The following PIK3R4 variants were observed in gnomAD, a reference collection of about 807,000 sequenced individuals.
The protein encoded by PIK3R4 is phosphoinositide-3-kinase regulatory subunit 4.
PIK3R4 carries 46 observed loss-of-function variants against 136.5 expected under a neutral mutation model. That is an observed-to-expected ratio of 0.34 (90% CI 0.27 to 0.43). The LOEUF (loss-of-function observed/expected upper bound fraction) is 0.43. Among genes scored for constraint, PIK3R4 ranks in the 20% least tolerant of loss-of-function variants. The probability of loss-of-function intolerance (pLI) is 1.00; values close to 1 mark genes in which losing one functional copy is unlikely to be tolerated. For missense variants in PIK3R4, 1,331 were observed against 1,649.5 expected (o/e 0.81, Z 3.35); for synonymous variants, 557 against 566.7 (o/e 0.98, Z 0.24).
At chr3:130,699,819 C>T (rs141710011) in intron 13 of PIK3R4, among the ~76,000 whole-genome samples, 18 of 152,100 alleles carry the variant, frequency 1.2e-4, no homozygotes, top group African/African-American at 3.4e-4. Context: ...TAATTTTTTG[C>T]TATTATAAAG....
Position 130,745,539 on chromosome 3 carries a change from T to G in PIK3R4, c.-46-275A>C, listed in dbSNP as rs574593092. 1.8e-3 allele frequency among the ~76,000 whole-genome samples: 267 copies of G among 152,368 alleles called. 1 individual carries two copies. Among genetic ancestry groups the G allele is most frequent in the African/African-American group, 6.1e-3 (253 of 41,590 alleles). ...TTCCAGGAGCTGAACTATATTTAGA[T>G]AGGCCTCTTCAACTTTAAGCCAAAA... On this transcript the variant is annotated intron_variant, in intron 1 of 19. Coordinates refer to ENST00000356763, the MANE Select transcript of PIK3R4 (RefSeq NM_014602.3).
Position 130,684,135 on chromosome 3 carries a change from A to G in PIK3R4, c.3607+115T>C, listed in dbSNP as rs150523741. On this transcript the variant is annotated intron_variant, in intron 16 of 19. Coordinates refer to ENST00000356763, the MANE Select transcript of PIK3R4 (RefSeq NM_014602.3). ...TGGCAACCTCCATAATCAGAAGACAATCAAGCATTCAGTTCATATGTAAAA... is the reference window on the plus strand; with the variant it reads ...TGGCAACCTCCATAATCAGAAGACAGTCAAGCATTCAGTTCATATGTAAAA... 57 of 895,798 alleles carry G rather than the reference A, an allele frequency of 6.4e-5. No homozygotes were observed. The African/African-American group carries it at 8.4e-4, about 13-fold the overall frequency. 55.5% of individuals were successfully genotyped at this position (895,798 alleles called of 1,614,324 possible). A position where few individuals can be genotyped will look rare whatever the true frequency, so the allele number is the denominator to read the frequency against.
chr3:130,719,382 T>C (rs1050449017), intron 7 of PIK3R4, among the ~76,000 whole-genome samples: 3 of 152,146 alleles, frequency 2.0e-5, no homozygotes, highest in African/African-American at 7.2e-5. Flanking sequence ...TTAGTGTATA[T>C]AAGAAATACA....
rs1490115071 is a variant in PIK3R4 at position 130,679,027 on chromosome 3, A to G, written c.*288T>C. ...CATCTTTTCAACCATCTTTTTCAAT[A>G]CAAAATAAACATATTCATTTTCATA... On this transcript the variant is annotated 3_prime_UTR_variant, in exon 20 of 20. Transcript: ENST00000356763. 1.7e-5 allele frequency: 3 copies of G among 178,854 alleles called. No homozygotes were observed. Among genetic ancestry groups the G allele is most frequent in the Admixed American group, 6.1e-5 (1 of 16,296 alleles). 11.1% of individuals were successfully genotyped at this position (178,854 alleles called of 1,614,324 possible).
chr3:130,694,639 T>G (rs2066536491), intron 13 of PIK3R4, among the ~76,000 whole-genome samples: 1 of 152,144 alleles, frequency 6.6e-6, no homozygotes, highest in South Asian at 2.1e-4. Context: ...TCTGCAACTT[T>G]GTTGAACTTA....
chr3:130,710,724 T>TA (rs2066628597), intron 9 of PIK3R4, among the ~76,000 whole-genome samples: 1 of 152,058 alleles, frequency 6.6e-6, no homozygotes, highest in Non-Finnish European at 1.5e-5. Context: ...GGTTGCCAGA[T>TA]AAAAGGAAAT....
intron 4 of PIK3R4, among the ~76,000 whole-genome samples, chr3:130,732,414 A>G (rs545905862): frequency 5.0e-4 from 75 of 149,858 alleles, no homozygotes; most frequent in African/African-American, 1.7e-3. Flanking sequence ...ATTCTGGTAA[A>G]GAAGACAGAG....
intron 2 of PIK3R4, among the ~76,000 whole-genome samples, chr3:130,740,024 C>T (rs2066811943): frequency 6.6e-6 from 1 of 152,148 alleles, no homozygotes; most frequent in South Asian, 2.1e-4. Flanking sequence ...GCACCTATGG[C>T]AACTCCTGAT....
Position 130,739,182 on chromosome 3 carries a change from TTCTCCTGCCTC to T in PIK3R4, c.734-3191_734-3181del, listed in dbSNP as rs1320026436. Among the ~76,000 whole-genome samples the T allele has an allele frequency of 1.9e-3, 282 of 152,354 alleles. 2 individuals carry two copies. Among genetic ancestry groups the T allele is most frequent in the African/African-American group, 6.6e-3 (273 of 41,584 alleles). On this transcript the variant is annotated intron_variant, in intron 2 of 19. Coordinates refer to ENST00000356763, the MANE Select transcript of PIK3R4 (RefSeq NM_014602.3). ...AGCTCCGCCTCCCTGGTTCACGCCA[TTCTCCTGCCTC>T]AGCCTCCCGAGTAGCTGGGACTACA...
chr3:130,736,805 C>A lies in PIK3R4; in HGVS notation c.734-803G>T, dbSNP rs187648550. On this transcript the variant is annotated intron_variant, in intron 2 of 19. Transcript: ENST00000356763. ...AGCAGTACATAAAGCAGATAAAATC[C>A]TTGCCCTCATGAAGCTTTCATTCTA... 7.1e-4 allele frequency among the ~76,000 whole-genome samples: 108 copies of A among 152,188 alleles called. 2 individuals carry two copies. In the East Asian group the frequency reaches 0.017, roughly 23 times the overall value.
At chr3:130,698,613 C>T (rs2066559401) in intron 13 of PIK3R4, among the ~76,000 whole-genome samples, 1 of 152,084 alleles carries the variant, frequency 6.6e-6, no homozygotes, top group Non-Finnish European at 1.5e-5. Context: ...AATATTTAGA[C>T]ATGGTTTTAG....
chr3:130,703,890 T>TA lies in PIK3R4; in HGVS notation c.2933-3dup. 1 of 1,605,268 alleles carries TA rather than the reference T, an allele frequency of 6.2e-7. No individual in the cohort carries two copies. The highest frequency in any genetic ancestry group is 8.5e-7 in the Non-Finnish European group (1 of 1,173,734). ...CTAACAGCCCTTTAGGACGCCATCC[T>TA]AAGGAAAAGCAAAGGAGTGTATCAT... On this transcript the variant is annotated splice_polypyrimidine_tract_variant and splice_region_variant and intron_variant, in intron 12 of 19. Coordinates refer to ENST00000356763, the MANE Select transcript of PIK3R4 (RefSeq NM_014602.3).
At position 130,745,244 on chromosome 3, in the gene PIK3R4, A is replaced by T; in HGVS notation, c.-26T>A. On this transcript the variant is annotated 5_prime_UTR_variant, in exon 2 of 20. Transcript: ENST00000356763. ...AATGGCAAGCACCTCTGTGGTCTTT[A>T]GTAAGGTTAGGATATAATACCTGTT... is the stretch of plus-strand genomic sequence containing the variant. 1 of 1,563,194 alleles carries T rather than the reference A, an allele frequency of 6.4e-7. No homozygotes were observed. The highest frequency in any genetic ancestry group is 8.6e-7 in the Non-Finnish European group (1 of 1,164,956).
At chr3:130,689,527 A>AAAAGC (rs1351375632) in intron 14 of PIK3R4, among the ~76,000 whole-genome samples, 3 of 152,240 alleles carry the variant, frequency 2.0e-5, no homozygotes, top group Non-Finnish European at 4.4e-5. Context: ...TTTAAATGCA[A>AAAAGC]AAAGCAAAAC....
rs538436861 is a variant in PIK3R4 at position 130,733,786 on chromosome 3, A to G, written c.1212T>C (p.His404=). The change falls in exon 4 of 20, where the codon CAT becomes CAC. Residue 404 remains histidine, a synonymous_variant. Transcript: ENST00000356763. ...SKLAALELIL[H]LAPRLSVEIL... ...TTTCAACACTTAATCTTGGAGCCAA[A>G]TGAAGAATCAGTTCCAAAGCAGCTA... 3.6e-5 allele frequency: 58 copies of G among 1,614,184 alleles called. No individual in the cohort carries two copies. The South Asian group carries it at 5.5e-4, about 15-fold the overall frequency.
In PIK3R4 at chr3:130,681,514, C is replaced by G. The variant is rs779015297; in HGVS notation, c.3685G>C (p.Ala1229Pro). ...DRRFTLWASS[A>P]PPLSELQPSP... is the part of the protein sequence containing the mutation. ...ACCTGTAATTCAGAAAGTGGTGGTG[C>G]ACTGCTGGCCCAGAGAGTAAATCTT... The change falls in exon 17 of 20, where the codon GCA becomes CCA. Residue 1229 changes from alanine (A) to proline (P), a missense_variant. Ala to Pro is a conservative substitution (Grantham distance 27). Around this residue, in one of 2 missense-constraint regions of PIK3R4, gnomAD observed 1,180 missense variants for 1,407.0 expected, o/e 0.84. Coordinates refer to ENST00000356763, the MANE Select transcript of PIK3R4 (RefSeq NM_014602.3). 1 of 1,608,674 alleles carries G rather than the reference C, an allele frequency of 6.2e-7. No homozygotes were observed. Among genetic ancestry groups the G allele is most frequent in the Non-Finnish European group, 8.5e-7 (1 of 1,175,112 alleles).
chr3:130,693,784 G>C (rs1468908343), intron 13 of PIK3R4, among the ~76,000 whole-genome samples: 3 of 152,086 alleles, frequency 2.0e-5, no homozygotes, highest in Admixed American at 1.3e-4. Context: ...CATTGATGAA[G>C]TCCCATTTGT....
At chr3:130,694,659 G>GT (rs2066536583) in intron 13 of PIK3R4, among the ~76,000 whole-genome samples, 1 of 151,984 alleles carries the variant, frequency 6.6e-6, no homozygotes, top group African/African-American at 2.4e-5. Context: ...ATTAGTTCTA[G>GT]TAAGTTTTTA....
intron 2 of PIK3R4, among the ~76,000 whole-genome samples, chr3:130,742,594 G>A (rs1426116004): frequency 1.3e-5 from 2 of 152,108 alleles, no homozygotes; most frequent in Non-Finnish European, 2.9e-5. Context: ...GTATTATCTT[G>A]GGACACAGAT....
Sources: gnomAD v4.1 joint callset for allele counts (sites outside exome capture counted in the v4.1 genomes callset) on GRCh38, gnomAD v4.1.1 for gene constraint, gnomAD v4.1.1 regional missense constraint, MANE v1.5 for transcripts, NCBI Gene and HGNC (gene_info 2026-07-23, HGNC 2026-07-21) for gene names.